RNF20: variants seen among roughly 807,000 people sequenced by gnomAD.
RNF20 encodes ring finger protein 20.
In RNF20, 84 loss-of-function variants were observed where a neutral mutation model predicts 126.2. That is an observed-to-expected ratio of 0.67 (90% confidence interval 0.56 to 0.80). RNF20 has a LOEUF of 0.80. Among genes scored for constraint, RNF20 ranks in the 30% least tolerant of loss-of-function variants. The probability of loss-of-function intolerance (pLI) is 0.00; values close to 1 mark genes in which losing one functional copy is unlikely to be tolerated. For synonymous variants in RNF20, 400 were observed against 414.3 expected, an observed-to-expected ratio of 0.97 and a Z score of 0.42; for missense variants, 869 against 1,188.2, an observed-to-expected ratio of 0.73 and a Z score of 3.95.
At chr9:101,561,507 A>G (rs1827628017) in intron 18 of RNF20, 1 of 433,778 alleles carries the variant, frequency 2.3e-6, no homozygotes, top group African/African-American at 2.0e-5. Context: ...GAGGATTTTC[A>G]AGTTCTTGTA....
At chr9:101,544,675 C>G in intron 5 of RNF20, 92 bp from the exon 6 acceptor site, 1 of 846,242 alleles carries the variant, frequency 1.2e-6, no homozygotes, top group South Asian at 1.4e-5. Flanking sequence ...CCACTGTACT[C>G]CAGCCTGGGC....
At chr9:101,543,539 C>T (rs117900964) in intron 5 of RNF20, among the ~76,000 whole-genome samples, 7,522 of 143,624 alleles carry the variant, frequency 0.052, 251 homozygotes, top group South Asian at 0.096. Flanking sequence ...CCTGCCAGAG[C>T]GGAACTGTCT....
At chr9:101,546,028 C>T (rs1353951186) in intron 6 of RNF20, among the ~76,000 whole-genome samples, 4 of 152,160 alleles carry the variant, frequency 2.6e-5, no homozygotes, top group Non-Finnish European at 4.4e-5. Flanking sequence ...ATCCCAAGAT[C>T]ACCAGGTAGA....
Position 101,547,131 on chromosome 9 carries a change from C to G in RNF20, c.895-6C>G. The G allele has an allele frequency of 1.2e-6, 2 of 1,613,624 alleles. No homozygotes were observed. Among genetic ancestry groups the G allele is most frequent in the Non-Finnish European group, 1.7e-6 (2 of 1,179,564 alleles). On this transcript the variant is annotated splice_region_variant and splice_polypyrimidine_tract_variant and intron_variant, in intron 7 of 19. Transcript: ENST00000389120. ...TCTCACTAAAGAATCTTTGTGTTCT[C>G]TGTAGGTGAATTCCAAAGGTTATAA...
In RNF20 at chr9:101,552,181, C is replaced by T. The variant is rs1203567479; in HGVS notation, c.1449C>T (p.Leu483=). The change falls in exon 12 of 20, where the codon CTC becomes CTT. Residue 483 remains leucine, a synonymous_variant. Transcript: ENST00000389120. ...NREMRHLISS[L]QNHNHQLKGE... ...AGATGCGCCACCTCATCAGTAGCCT[C>T]CAGAATCACAATCACCAGCTGAAAG... 1.9e-6 allele frequency: 3 copies of T among 1,613,978 alleles called. No individual in the cohort carries two copies. Among genetic ancestry groups the T allele is most frequent in the Non-Finnish European group, 2.5e-6 (3 of 1,180,034 alleles).
chr9:101,547,584 A>G (rs573680351), intron 9 of RNF20, 66 bp downstream of exon 9: 17 of 1,574,636 alleles, frequency 1.1e-5, no homozygotes, highest in Admixed American at 8.9e-5. Flanking sequence ...GTATATACAT[A>G]GTTGTGAATC....
intron 15 of RNF20, among the ~76,000 whole-genome samples, chr9:101,555,679 CG>C (rs1827521082): frequency 2.0e-5 from 3 of 151,594 alleles, no homozygotes; most frequent in Admixed American, 2.0e-4. Context: ...GGGCTGGGCG[CG>C]GTGGCTCATG....
intron 16 of RNF20, among the ~76,000 whole-genome samples, chr9:101,558,996 T>G (rs1827583557): frequency 6.6e-6 from 1 of 152,222 alleles, no homozygotes. Flanking sequence ...TAGAAGGATT[T>G]TTCCAATATT....
intron 5 of RNF20, 141 bp downstream of exon 5, chr9:101,541,116 T>C (rs1827253984): frequency 1.7e-6 from 1 of 577,474 alleles, no homozygotes; most frequent in Non-Finnish European, 2.7e-6. Flanking sequence ...TTTCACTGTG[T>C]CACCCAGGCT....
intron 2 of RNF20, among the ~76,000 whole-genome samples, chr9:101,537,967 T>G (rs1827208317): frequency 6.6e-6 from 1 of 152,074 alleles, no homozygotes; most frequent in African/African-American, 2.4e-5. Flanking sequence ...TAAAGGAGTA[T>G]CGCTGTAAAG....
At chr9:101,549,228 G>T (rs1827402717) in intron 9 of RNF20, among the ~76,000 whole-genome samples, 1 of 152,198 alleles carries the variant, frequency 6.6e-6, no homozygotes. Context: ...AGACAAAGGG[G>T]CAGGATAAGG....
In RNF20 at chr9:101,546,957, C is replaced by T. The variant is rs1306497027; in HGVS notation, c.885C>T (p.Val295=). 1.2e-6 allele frequency: 2 copies of T among 1,614,056 alleles called. No homozygotes were observed. The highest frequency in any genetic ancestry group is 1.6e-4 in the Middle Eastern group (1 of 6,062). The change falls in exon 7 of 20, where the codon GTC becomes GTT. Residue 295 remains valine (V), a synonymous_variant. Coordinates refer to ENST00000389120, the MANE Select transcript of RNF20 (RefSeq NM_019592.7). ...GACTCAACCGACACTTAGCAGAAGTCCTAGAACGGGTCAGTGCTGTTTTAT... is the reference window on the plus strand; with the variant it reads ...GACTCAACCGACACTTAGCAGAAGTTCTAGAACGGGTCAGTGCTGTTTTAT... ...EQRLNRHLAE[V]LERVNSKGYK... is the part of the protein sequence containing the mutation.
Position 101,554,704 on chromosome 9 carries a change from T to A in RNF20, c.2030T>A (p.Leu677Gln), listed in dbSNP as rs374327692. 7 of 1,611,024 alleles carry A rather than the reference T, an allele frequency of 4.3e-6. No homozygotes were observed. The highest frequency in any genetic ancestry group is 5.9e-6 in the Non-Finnish European group (7 of 1,178,258). ...EKKSKAELED[L>Q]RQRLKDLEDK... ...CCTTTCCTCTTATAGTTGGAAGATC[T>A]AAGGCAAAGACTCAAGGATCTGGAA... is the stretch of plus-strand genomic sequence containing the variant. The change falls in exon 15 of 20, where the codon CTA (leucine) becomes CAA (glutamine). Residue 677 changes from leucine (L) to glutamine (Q), a missense_variant. Physicochemically the swap from Leu to Gln is moderately radical, Grantham distance 113. Coordinates refer to ENST00000389120, the MANE Select transcript of RNF20 (RefSeq NM_019592.7).
rs776709429 is a variant in RNF20 at position 101,550,635 on chromosome 9, C to T, written c.1122C>T (p.Val374=). ...KVELRSAVEQ[V]VKETPEYRCM... is the part of the protein sequence containing the mutation. The stretch of plus-strand genomic sequence containing the variant: ...AATTGCGGAGTGCAGTGGAGCAAGT[C>T]GTTAAGGAAACTCCAGAATATCGCT... Residue 374 remains valine, a synonymous_variant, in exon 10 of 20, where the codon GTC becomes GTT. Transcript: ENST00000389120. 6.3e-5 allele frequency: 102 copies of T among 1,613,958 alleles called. No homozygotes were observed. Among genetic ancestry groups the T allele is most frequent in the East Asian group, 1.3e-4 (6 of 44,896 alleles).
chr9:101,538,518 AAGG>A (rs1288467315), intron 2 of RNF20, among the ~76,000 whole-genome samples: 24 of 152,240 alleles, frequency 1.6e-4, no homozygotes, highest in Admixed American at 1.2e-3. Flanking sequence ...AATGGAAAAT[AAGG>A]AGGATATTCA....
chr9:101,535,492 A>G lies in RNF20; in HGVS notation c.69A>G (p.Ala23=). The G allele has an allele frequency of 6.2e-7, 1 of 1,614,098 alleles. No homozygotes were observed. Among genetic ancestry groups the G allele is most frequent in the Non-Finnish European group, 8.5e-7 (1 of 1,179,958 alleles). ...PGTSMPPEKK[A]AVEDSGTTVE... ...CCTCCATGCCTCCTGAGAAGAAGGC[A>G]GCTGTTGAAGATTCAGGGACCACAG... is the stretch of plus-strand genomic sequence containing the variant. The change falls in exon 2 of 20, where the codon GCA becomes GCG. Residue 23 remains alanine, a synonymous_variant. Coordinates refer to ENST00000389120, the MANE Select transcript of RNF20 (RefSeq NM_019592.7).
At chr9:101,538,101 G>A (rs1827211412) in intron 2 of RNF20, among the ~76,000 whole-genome samples, 1 of 152,184 alleles carries the variant, frequency 6.6e-6, no homozygotes, top group Admixed American at 6.5e-5. Context: ...TTGGAGTAAG[G>A]AAACTGGAGA....
chr9:101,550,147 A>T (rs1231977026), intron 9 of RNF20, among the ~76,000 whole-genome samples: 1 of 152,258 alleles, frequency 6.6e-6, no homozygotes, highest in Non-Finnish European at 1.5e-5. Context: ...AATAAAAAAC[A>T]AAAACAACCT....
intron 14 of RNF20, 148 bp downstream of exon 14, chr9:101,554,253 A>T (rs1827493611): frequency 1.8e-6 from 1 of 558,224 alleles, no homozygotes; most frequent in South Asian, 2.4e-5. Context: ...AGACCATCTG[A>T]AGTAGAGATT....
Sources: allele counts gnomAD v4.1 joint callset (sites outside exome capture counted in the v4.1 genomes callset), GRCh38; gene constraint gnomAD v4.1.1; transcripts MANE v1.5; gene names NCBI Gene and HGNC (gene_info 2026-07-23, HGNC 2026-07-21).